The following ELAVL4 variants were observed in gnomAD, a reference collection of about 807,000 sequenced individuals.
ELAVL4 encodes the protein ELAV-like protein 4.
A neutral mutation model predicts 35.6 loss-of-function variants in ELAVL4; 1 was observed. The observed-to-expected ratio is 0.03, with a 90% confidence interval of 0.01 to 0.13. The LOEUF is 0.13. Ranked by LOEUF, ELAVL4 falls within the 10% of genes least tolerant of loss-of-function variation. ELAVL4 has a pLI of 1.00. For missense variants in ELAVL4, 267 were observed against 464.9 expected (o/e 0.57, Z 3.91); for synonymous variants, 156 against 171.0 (o/e 0.91, Z 0.69).
chr1:50,144,052 TTGC>T (rs958264740), intron 1 of ELAVL4, among the ~76,000 whole-genome samples: 1 of 152,182 alleles, frequency 6.6e-6, no homozygotes, highest in Admixed American at 6.5e-5. Context: ...GCAGAAGTAA[TTGC>T]TTCTGTATTG....
chr1:50,132,295 G>C (rs548292311), intron 1 of ELAVL4, among the ~76,000 whole-genome samples: 1 of 152,304 alleles, frequency 6.6e-6, no homozygotes, highest in South Asian at 2.1e-4. Flanking sequence ...AATTTTGTCA[G>C]CTGCAGTTGG....
chr1:50,050,241 A>G (rs1297426929), intron 1 of ELAVL4, among the ~76,000 whole-genome samples: 1 of 152,256 alleles, frequency 6.6e-6, no homozygotes, highest in African/African-American at 2.4e-5. Flanking sequence ...AAATACTGCT[A>G]TTATCAACCA....
At chr1:50,184,226 C>T (rs72907763) in intron 3 of ELAVL4, among the ~76,000 whole-genome samples, 3,645 of 152,164 alleles carry the variant, frequency 0.024, 162 homozygotes, top group African/African-American at 0.084. Flanking sequence ...GAAGGTGATA[C>T]GTTCCCAGTA....
At chr1:50,178,635 C>A (rs928592238) in intron 3 of ELAVL4, among the ~76,000 whole-genome samples, 1 of 152,144 alleles carries the variant, frequency 6.6e-6, no homozygotes, top group Non-Finnish European at 1.5e-5. Flanking sequence ...AGGAAATAAT[C>A]AAGAGTTGTT....
At chr1:50,140,959 C>G (rs373898897) in intron 1 of ELAVL4, among the ~76,000 whole-genome samples, 6 of 152,180 alleles carry the variant, frequency 3.9e-5, no homozygotes, top group Admixed American at 2.6e-4. Flanking sequence ...AATCTACAGA[C>G]AGGACTCACC....
chr1:50,106,991 A>C (rs1666384063), upstream of ELAVL4, among the ~76,000 whole-genome samples: 1 of 152,212 alleles, frequency 6.6e-6, no homozygotes, highest in Non-Finnish European at 1.5e-5. Context: ...GAGAAATCTA[A>C]GTAAATATTT....
At chr1:50,131,762 C>T (rs963973931) in intron 1 of ELAVL4, among the ~76,000 whole-genome samples, 2 of 151,756 alleles carry the variant, frequency 1.3e-5, no homozygotes, top group Admixed American at 6.6e-5. Flanking sequence ...TGCACTCCAG[C>T]CTGGGGACAG....
At chr1:50,169,700 A>C (rs919384317) in intron 2 of ELAVL4, among the ~76,000 whole-genome samples, 11 of 152,200 alleles carry the variant, frequency 7.2e-5, no homozygotes, top group Non-Finnish European at 1.0e-4. Context: ...GAATGTCATC[A>C]TTGTGATAGG....
chr1:50,048,169 G>A, exon 1 of ELAVL4: 1 of 1,521,940 alleles, frequency 6.6e-7, no homozygotes, highest in Non-Finnish European at 8.8e-7. Context: ...GGGAAGATGC[G>A]CCTCAAGAAC....
chr1:50,130,366 C>G (rs535853986), intron 1 of ELAVL4, among the ~76,000 whole-genome samples: 38 of 152,262 alleles, frequency 2.5e-4, no homozygotes, highest in African/African-American at 8.9e-4. Context: ...AGACTCATTA[C>G]TCCATCATGT....
Position 50,109,018 on chromosome 1 carries a change from C to CGGGGG in ELAVL4, c.-172_-171insGGGGG. On this transcript the variant is annotated 5_prime_UTR_variant, in exon 1 of 7. Transcript: ENST00000371824. ...CCTTTTCTTTTTTTTCTTTCTCTCC[C>CGGGGG]CCGCCCACCCCCCCAAAAATAATTG... is the stretch of plus-strand genomic sequence containing the variant. The CGGGGG allele has an allele frequency of 1.9e-6, 1 of 519,106 alleles. No individual in the cohort carries two copies. Among genetic ancestry groups the CGGGGG allele is most frequent in the Non-Finnish European group, 2.4e-6 (1 of 416,516 alleles). 32.2% of individuals were successfully genotyped at this position (519,106 alleles called of 1,614,324 possible).
chr1:50,104,028 C>G, upstream of ELAVL4: 1 of 1,613,340 alleles, frequency 6.2e-7, no homozygotes, highest in Non-Finnish European at 8.5e-7. Context: ...ACTGGATAGC[C>G]TGGCAGATGG....
intron 1 of ELAVL4, among the ~76,000 whole-genome samples, chr1:50,117,302 T>A (rs1333806074): frequency 2.6e-5 from 4 of 151,936 alleles, no homozygotes; most frequent in Non-Finnish European, 5.9e-5. Context: ...CGTAGAAAAA[T>A]TAGATTTATT....
intron 1 of ELAVL4, among the ~76,000 whole-genome samples, chr1:50,083,727 A>T (rs915603857): frequency 6.6e-6 from 1 of 152,206 alleles, no homozygotes; most frequent in African/African-American, 2.4e-5. Flanking sequence ...GAAATCTGAA[A>T]ATCAGTATTG....
intron 3 of ELAVL4, among the ~76,000 whole-genome samples, chr1:50,186,070 T>C (rs187361781): frequency 1.1e-4 from 17 of 152,242 alleles, no homozygotes; most frequent in Admixed American, 6.5e-5. Flanking sequence ...GATAGATATT[T>C]TAAAAGAAGT....
chr1:50,058,985 C>T (rs1663824877), intron 1 of ELAVL4, among the ~76,000 whole-genome samples: 2 of 152,186 alleles, frequency 1.3e-5, no homozygotes, highest in African/African-American at 4.8e-5. Context: ...CCCAGTGGCC[C>T]TAGGCAGAAA....
intron 3 of ELAVL4, among the ~76,000 whole-genome samples, chr1:50,190,903 T>C (rs1397647400): frequency 6.6e-6 from 1 of 152,186 alleles, no homozygotes; most frequent in East Asian, 1.9e-4. Context: ...GGAAGGCTAT[T>C]ATCAGGCCAC....
intron 1 of ELAVL4, among the ~76,000 whole-genome samples, chr1:50,063,077 C>G (rs1159439945): frequency 6.6e-6 from 1 of 152,118 alleles, no homozygotes; most frequent in African/African-American, 2.4e-5. Context: ...CTCTAGACCC[C>G]TCCAGTTGGA....
At chr1:50,155,868 C>A (rs1675637619) in intron 2 of ELAVL4, among the ~76,000 whole-genome samples, 1 of 152,162 alleles carries the variant, frequency 6.6e-6, no homozygotes, top group Non-Finnish European at 1.5e-5. Context: ...TGGAACTAGT[C>A]CTCAACCACC....
Sources: gnomAD v4.1 joint callset for allele counts (sites outside exome capture counted in the v4.1 genomes callset) on GRCh38, gnomAD v4.1.1 for gene constraint, MANE v1.5 for transcripts, NCBI Gene and HGNC (gene_info 2026-07-23, HGNC 2026-07-21) for gene names.